The following MYO5A variants were observed in gnomAD, a reference collection of about 807,000 sequenced individuals.
The protein encoded by MYO5A is unconventional myosin-Va.
In MYO5A, 98 loss-of-function variants were observed where a neutral mutation model predicts 249.7. That is an observed-to-expected ratio of 0.39 (90% confidence interval 0.33 to 0.46). The LOEUF is 0.46. MYO5A is among the 20% of genes least tolerant of loss of function. MYO5A has a pLI of 0.98. For synonymous variants in MYO5A, 778 were observed against 810.6 expected (o/e 0.96, Z 0.68); for missense variants, 1,696 against 2,308.8 (o/e 0.73, Z 5.44).
chr15:52,321,416 T>C lies in MYO5A; in HGVS notation c.4894A>G (p.Ile1632Val). 2 of 1,614,212 alleles carry C rather than the reference T, an allele frequency of 1.2e-6. No individual in the cohort carries two copies. Among genetic ancestry groups the C allele is most frequent in the Non-Finnish European group, 1.7e-6 (2 of 1,180,036 alleles). Residue 1632 changes from isoleucine to valine, a missense_variant, in exon 38 of 42, where the codon ATT becomes GTT. This residue lies in a region of MYO5A where 625 missense variants were observed against 908.1 expected (regional missense o/e 0.69). Transcript: ENST00000399233. The part of the protein sequence containing the change: ...EYRQVLSDLA[I>V]QIYQQLVRVL... ...CGCACGAGCTGCTGGTAGATCTGAA[T>C]GGCCAAGTCACTCAGCACCTGCCGA...
At chr15:52,427,380 T>C (rs192979738) in intron 3 of MYO5A, among the ~76,000 whole-genome samples, 1 of 151,652 alleles carries the variant, frequency 6.6e-6, no homozygotes, top group South Asian at 2.1e-4. Context: ...AATATATATA[T>C]ACATAATCTC....
In MYO5A at chr15:52,509,299, A is replaced by G. The variant is rs117312941; in HGVS notation, c.27+19481T>C. On this transcript the variant is annotated intron_variant, in intron 1 of 41. Transcript: ENST00000399233. ...ATTAAACTCTTTTTTAGTTTACTCA[A>G]AGGCAGCATCCTCATATTGGGTTGG... Among the ~76,000 whole-genome samples the G allele has an allele frequency of 6.4e-4, 97 of 152,302 alleles. 1 individual carries two copies. The East Asian group carries it at 0.018, about 28-fold the overall frequency.
chr15:52,311,282 G>A lies in MYO5A; in HGVS notation c.*2414C>T, dbSNP rs2037764278. ...CAGGATGAAGCTGGGGGAGGTCTGG[G>A]AGATTTCCAGGGCTGAGGCGGACAG... On this transcript the variant is annotated 3_prime_UTR_variant, in exon 42 of 42. Transcript: ENST00000399233. 1 of 152,240 alleles carries A rather than the reference G, an allele frequency of 6.6e-6. No homozygotes were observed. Among genetic ancestry groups the A allele is most frequent in the African/African-American group, 2.4e-5 (1 of 41,444 alleles). The allele number at this position is 152,240 out of a possible 1,614,324, so 9.4% of individuals were successfully genotyped here. A position where few individuals can be genotyped will look rare whatever the true frequency, so the allele number is the denominator to read the frequency against.
intron 1 of MYO5A, among the ~76,000 whole-genome samples, chr15:52,480,801 G>A (rs930160753): frequency 6.6e-6 from 1 of 152,164 alleles, no homozygotes; most frequent in African/African-American, 2.4e-5. Flanking sequence ...CATGCCTCCA[G>A]CACAGTCAAA....
At chr15:52,351,573 C>T in intron 27 of MYO5A, 92 bp from the exon 28 acceptor site, 1 of 1,295,874 alleles carries the variant, frequency 7.7e-7, no homozygotes, top group Non-Finnish European at 1.1e-6. Flanking sequence ...AAGAATTCTG[C>T]TGAAAAAGTT....
intron 14 of MYO5A, among the ~76,000 whole-genome samples, chr15:52,384,703 G>T (rs1056489788): frequency 4.6e-5 from 7 of 152,168 alleles, no homozygotes; most frequent in African/African-American, 7.2e-5. Context: ...AACTGTTTTA[G>T]CATCAGGTGG....
chr15:52,474,847 T>C (rs1477487776), intron 1 of MYO5A, among the ~76,000 whole-genome samples: 1 of 152,194 alleles, frequency 6.6e-6, no homozygotes, highest in Non-Finnish European at 1.5e-5. Context: ...GGCCTAAAAT[T>C]CTTTTTTTGT....
intron 25 of MYO5A, among the ~76,000 whole-genome samples, chr15:52,356,063 T>C (rs2040203762): frequency 6.6e-6 from 1 of 152,150 alleles, no homozygotes. Context: ...TTACCTAAGG[T>C]TTTAATTTTT....
At chr15:52,461,299 CATA>C (rs566486529) in intron 1 of MYO5A, among the ~76,000 whole-genome samples, 95 of 152,262 alleles carry the variant, frequency 6.2e-4, no homozygotes, top group African/African-American at 2.1e-3. Context: ...ATTTAAAGGG[CATA>C]CTTAAAATCT....
intron 2 of MYO5A, among the ~76,000 whole-genome samples, chr15:52,432,973 A>G (rs1284679757): frequency 1.3e-5 from 2 of 152,242 alleles, no homozygotes; most frequent in Admixed American, 1.3e-4. Context: ...TTTTTAAAGT[A>G]TCTGCTATTT....
chr15:52,507,372 G>T lies in MYO5A; in HGVS notation c.27+21408C>A, dbSNP rs879420754. Among the ~76,000 whole-genome samples the T allele has an allele frequency of 2.0e-5, 3 of 152,232 alleles. No homozygotes were observed. In the East Asian group the frequency reaches 5.8e-4, roughly 29 times the overall value. On this transcript the variant is annotated intron_variant, in intron 1 of 41. Transcript: ENST00000399233. ...GGAAACATTAAAAAGGGACTGGAAT[G>T]AAAGTTACAGCTTTGTCAGATGGTG...
At chr15:52,337,621 C>T (rs1000655964) in intron 33 of MYO5A, among the ~76,000 whole-genome samples, 189 bp downstream of exon 33, 5 of 152,140 alleles carry the variant, frequency 3.3e-5, no homozygotes, top group African/African-American at 7.2e-5. Flanking sequence ...ACAAACCAAA[C>T]GTGACAATGG....
chr15:52,446,415 C>T (rs531762602), intron 1 of MYO5A, among the ~76,000 whole-genome samples: 8 of 152,400 alleles, frequency 5.2e-5, no homozygotes, highest in African/African-American at 1.2e-4. Flanking sequence ...GCAGCCTCCA[C>T]TTAGATTTCA....
At chr15:52,368,535 T>G (rs2040930741) in intron 22 of MYO5A, among the ~76,000 whole-genome samples, 1 of 152,204 alleles carries the variant, frequency 6.6e-6, no homozygotes, top group Admixed American at 6.5e-5. Context: ...AGACTGAGAA[T>G]GTCATTTTCC....
intron 11 of MYO5A, among the ~76,000 whole-genome samples, chr15:52,394,446 G>A (rs1261968539): frequency 6.6e-6 from 1 of 152,210 alleles, no homozygotes; most frequent in Non-Finnish European, 1.5e-5. Context: ...AACCACTGCT[G>A]GGTTCACAGG....
rs2037779418 is a variant in MYO5A at position 52,311,682 on chromosome 15, A to G, written c.*2014T>C. On this transcript the variant is annotated 3_prime_UTR_variant, in exon 42 of 42. Transcript: ENST00000399233. ...GATTAATCCTAAGGAATTGACAGGC[A>G]CTACACACTGGTCTTTCCATCAGAG... 1.3e-5 allele frequency: 2 copies of G among 152,234 alleles called. No homozygotes were observed. The highest frequency in any genetic ancestry group is 4.8e-5 in the African/African-American group (2 of 41,450). 9.4% of individuals were successfully genotyped at this position (152,234 alleles called of 1,614,324 possible).
At chr15:52,339,543 G>A (rs2039284600) in intron 32 of MYO5A, among the ~76,000 whole-genome samples, 1 of 150,296 alleles carries the variant, frequency 6.7e-6, no homozygotes, top group African/African-American at 2.4e-5. Context: ...AAGGAACAAG[G>A]CAAAAAAAAG....
intron 1 of MYO5A, among the ~76,000 whole-genome samples, chr15:52,527,112 G>A (rs2077743113): frequency 6.6e-6 from 1 of 152,220 alleles, no homozygotes; most frequent in African/African-American, 2.4e-5. Flanking sequence ...GGGCCCACAT[G>A]CGGCCCATGG....
chr15:52,314,236 A>G (rs759075890), intron 40 of MYO5A, 33 bp from the exon 41 acceptor site: 12 of 1,439,016 alleles, frequency 8.3e-6, no homozygotes, highest in Admixed American at 3.3e-5. Context: ...AGTTTTTGGC[A>G]TATTATCAAA....
Sources: allele counts gnomAD v4.1 joint callset (sites outside exome capture counted in the v4.1 genomes callset), GRCh38; gene constraint gnomAD v4.1.1; regional missense constraint gnomAD v4.1.1; transcripts MANE v1.5; gene names NCBI Gene and HGNC (gene_info 2026-07-23, HGNC 2026-07-21).